The following PEAK1 variants were observed in gnomAD, a reference collection of about 807,000 sequenced individuals.
PEAK1 encodes pseudopodium enriched atypical kinase 1, also known as inactive tyrosine-protein kinase PEAK1.
Under a neutral mutation model 124.7 loss-of-function variants are expected in PEAK1, and 54 were observed. That is an observed-to-expected ratio of 0.43 (90% CI 0.35 to 0.54). The LOEUF is 0.54. Ranked by LOEUF, PEAK1 falls within the 20% of genes least tolerant of loss-of-function variation. The probability of loss-of-function intolerance (pLI) is 0.01; values close to 1 mark genes in which losing one functional copy is unlikely to be tolerated. For missense variants in PEAK1, 2,046 were observed against 2,134.5 expected (o/e 0.96, Z 0.82); for synonymous variants, 719 against 760.0 (o/e 0.95, Z 0.89).
chr15:77,348,209 G>A, intron 2 of PEAK1: 2 of 954,614 alleles, frequency 2.1e-6, no homozygotes, highest in Non-Finnish European at 2.5e-6. Context: ...AAAGAAGACT[G>A]GGATCAGAGA....
chr15:77,352,664 A>T, intron 2 of PEAK1: 4 of 951,492 alleles, frequency 4.2e-6, no homozygotes, highest in Non-Finnish European at 5.0e-6. Flanking sequence ...AAGGTTGTTT[A>T]TGATATAGAG....
chr15:77,208,625 T>C (rs1028909603), intron 6 of PEAK1, among the ~76,000 whole-genome samples: 3 of 152,136 alleles, frequency 2.0e-5, no homozygotes, highest in African/African-American at 7.2e-5. Flanking sequence ...CAATGTTGTA[T>C]AGGGAAAAAA....
At chr15:77,135,164 C>T (rs544251429) in intron 8 of PEAK1, among the ~76,000 whole-genome samples, 4 of 152,306 alleles carry the variant, frequency 2.6e-5, no homozygotes, top group African/African-American at 9.6e-5. Flanking sequence ...TGTTCTAAGC[C>T]ACCCATTTGT....
At chr15:77,166,265 G>C (rs898425357) in intron 7 of PEAK1, among the ~76,000 whole-genome samples, 2 of 152,118 alleles carry the variant, frequency 1.3e-5, no homozygotes, top group African/African-American at 4.8e-5. Flanking sequence ...CGAATGCTAG[G>C]CACTGTGCTT....
At chr15:77,269,111 A>C (rs2061891963) in intron 5 of PEAK1, among the ~76,000 whole-genome samples, 1 of 152,146 alleles carries the variant, frequency 6.6e-6, no homozygotes, top group South Asian at 2.1e-4. Context: ...ACAATGAAAA[A>C]AAAAAAAGGT....
chr15:77,334,758 G>A, intron 2 of PEAK1: 3 of 985,086 alleles, frequency 3.0e-6, no homozygotes, highest in Non-Finnish European at 3.6e-6. Flanking sequence ...TTTATCTCCT[G>A]ACCTGTCTTC....
intron 9 of PEAK1, among the ~76,000 whole-genome samples, chr15:77,132,256 A>AT (rs929856539): frequency 8.6e-4 from 123 of 142,714 alleles, no homozygotes; most frequent in African/African-American, 1.5e-3. Flanking sequence ...AATTTTTTCT[A>AT]TTTTTTTTTT....
At chr15:77,222,390 A>G (rs1236059170) in intron 6 of PEAK1, among the ~76,000 whole-genome samples, 1 of 152,040 alleles carries the variant, frequency 6.6e-6, no homozygotes, top group African/African-American at 2.4e-5. Flanking sequence ...TGCCTACTAT[A>G]ATGCAGACAG....
chr15:77,114,561 G>A lies in PEAK1; in HGVS notation c.4836C>T (p.Asn1612=). ...MLHLPNPFDE[N]PELKEREYTR... ...TGTATTCCCTCTCCTTCAGCTCTGG[G>A]TTCTCATCAAAGGGGTTGGGTAGGT... The change falls in exon 10 of 10, where the codon AAC becomes AAT. Residue 1612 remains asparagine (N), a synonymous_variant. Transcript: ENST00000682557. The A allele has an allele frequency of 6.2e-7, 1 of 1,614,102 alleles. No individual in the cohort carries two copies.
chr15:77,282,361 CACTT>C (rs1226612514), intron 5 of PEAK1, among the ~76,000 whole-genome samples: 3 of 152,048 alleles, frequency 2.0e-5, no homozygotes, highest in Non-Finnish European at 4.4e-5. Context: ...CTAGGAAAAA[CACTT>C]AATTTAATGC....
chr15:77,364,443 C>CA (rs1440764756), intron 2 of PEAK1, among the ~76,000 whole-genome samples: 7 of 152,028 alleles, frequency 4.6e-5, no homozygotes, highest in Admixed American at 4.6e-4. Context: ...CTGAAGGACT[C>CA]AGAGTAGTAG....
Position 77,108,499 on chromosome 15 carries a change from C to T in PEAK1, c.*5657G>A, listed in dbSNP as rs943777639. ...CATATCCTCAACAGAAAATCCCAAC[C>T]CAGTGTGTTCATACATCACACTCTT... On this transcript the variant is annotated 3_prime_UTR_variant, in exon 10 of 10. Transcript: ENST00000682557. The T allele has an allele frequency of 6.6e-6, 1 of 152,118 alleles. No homozygotes were observed. The highest frequency in any genetic ancestry group is 1.5e-5 in the Non-Finnish European group (1 of 68,008). 9.4% of individuals were successfully genotyped at this position (152,118 alleles called of 1,614,324 possible). A position where few individuals can be genotyped will look rare whatever the true frequency, so the allele number is the denominator to read the frequency against.
intron 6 of PEAK1, among the ~76,000 whole-genome samples, chr15:77,202,759 A>G (rs1283972364): frequency 2.1e-5 from 3 of 145,808 alleles, no homozygotes; most frequent in Non-Finnish European, 4.5e-5. Context: ...ACAGAGTGAG[A>G]CTCCATCTCA....
intron 6 of PEAK1, among the ~76,000 whole-genome samples, chr15:77,208,164 C>T (rs765165283): frequency 4.6e-5 from 7 of 152,114 alleles, no homozygotes; most frequent in African/African-American, 9.7e-5. Context: ...CTATGTATGA[C>T]GCATCTTTAA....
intron 6 of PEAK1, among the ~76,000 whole-genome samples, chr15:77,214,451 C>T (rs1042861734): frequency 1.3e-5 from 2 of 148,894 alleles, no homozygotes; most frequent in African/African-American, 5.0e-5. Context: ...CTCGTCTCTA[C>T]TAAAAATACA....
At chr15:77,386,776 A>C (rs2069980581) in intron 1 of PEAK1, among the ~76,000 whole-genome samples, 4 of 152,150 alleles carry the variant, frequency 2.6e-5, no homozygotes, top group Admixed American at 2.6e-4. Flanking sequence ...CATGTGCAAG[A>C]AGATCTTCCC....
chr15:77,315,153 C>T (rs2064793230), intron 2 of PEAK1, among the ~76,000 whole-genome samples: 1 of 152,164 alleles, frequency 6.6e-6, no homozygotes, highest in South Asian at 2.1e-4. Flanking sequence ...CATTTAGAAA[C>T]AATTTGACTT....
At chr15:77,371,257 G>T in intron 1 of PEAK1, 1 of 976,148 alleles carries the variant, frequency 1.0e-6, no homozygotes, top group Non-Finnish European at 1.2e-6. Context: ...GGGCCTAGTA[G>T]ATGCTACCTA....
chr15:77,294,738 C>G (rs1420380713), intron 2 of PEAK1, among the ~76,000 whole-genome samples: 1 of 152,004 alleles, frequency 6.6e-6, no homozygotes. Flanking sequence ...ACTATCAATA[C>G]CTAGTATAGA....
Sources: gnomAD v4.1 joint callset for allele counts (sites outside exome capture counted in the v4.1 genomes callset) on GRCh38, gnomAD v4.1.1 for gene constraint, MANE v1.5 for transcripts, NCBI Gene and HGNC (gene_info 2026-07-23, HGNC 2026-07-21) for gene names.